The following KCNMB2 variants were observed in gnomAD, a reference collection of about 807,000 sequenced individuals.
KCNMB2 encodes calcium-activated potassium channel subunit beta-2.
Under a neutral mutation model 24.5 loss-of-function variants are expected in KCNMB2, and 9 were observed. The observed-to-expected ratio is 0.37, with a 90% CI of 0.22 to 0.64. The LOEUF (loss-of-function observed/expected upper bound fraction) is 0.64, where lower values mean the gene tolerates loss of function less well. KCNMB2 is among the 30% of genes least tolerant of loss of function. KCNMB2 has a pLI of 0.63. For synonymous variants in KCNMB2, 109 were observed against 104.4 expected, an observed-to-expected ratio of 1.04 and a Z score of -0.27; for missense variants, 226 against 284.3, an observed-to-expected ratio of 0.79 and a Z score of 1.47.
Position 178,694,750 on chromosome 3 carries a change from T to C in KCNMB2, c.-67-112593T>C, listed in dbSNP as rs9880559. Among the ~76,000 whole-genome samples the C allele has an allele frequency of 5.1e-3, 776 of 152,364 alleles. 1 individual carries two copies. Among genetic ancestry groups the C allele is most frequent in the African/African-American group, 0.018 (737 of 41,588 alleles). ...TTCAAGAGGTGGGCTCCCAGGGTTT[T>C]GAACAGTTCTGCCCATGTGGCTTTG... On this transcript the variant is annotated intron_variant, in intron 1 of 4. Transcript: ENST00000452583.
chr3:178,679,010 G>A (rs960771115), intron 1 of KCNMB2, among the ~76,000 whole-genome samples: 82 of 149,656 alleles, frequency 5.5e-4, no homozygotes, highest in Non-Finnish European at 7.4e-5. Context: ...TGTCATTGTT[G>A]TTCATTTATC....
At chr3:178,575,848 A>T (rs552430107) in intron 1 of KCNMB2, among the ~76,000 whole-genome samples, 2 of 152,198 alleles carry the variant, frequency 1.3e-5, no homozygotes, top group African/African-American at 4.8e-5. Context: ...CCCTGTTGGT[A>T]ACACTGTGAA....
chr3:178,840,713 G>T (rs549056330), intron 4 of KCNMB2, among the ~76,000 whole-genome samples: 35 of 152,338 alleles, frequency 2.3e-4, no homozygotes, highest in African/African-American at 8.2e-4. Context: ...CACAGCTGGA[G>T]CAGCTGGAAA....
chr3:178,725,016 T>C (rs1722923841), intron 1 of KCNMB2, among the ~76,000 whole-genome samples: 1 of 152,140 alleles, frequency 6.6e-6, no homozygotes, highest in Non-Finnish European at 1.5e-5. Flanking sequence ...TGGTGAGAAA[T>C]GAATTTTAGA....
chr3:178,672,426 TA>T (rs1720931314), intron 1 of KCNMB2, among the ~76,000 whole-genome samples: 1 of 152,206 alleles, frequency 6.6e-6, no homozygotes, highest in South Asian at 2.1e-4. Flanking sequence ...CCACTGTAAG[TA>T]ACAAATATCT....
At chr3:178,672,164 A>G (rs1720922148) in intron 1 of KCNMB2, among the ~76,000 whole-genome samples, 1 of 152,166 alleles carries the variant, frequency 6.6e-6, no homozygotes, top group African/African-American at 2.4e-5. Flanking sequence ...TATTGCCTTC[A>G]TGATTCAGTA....
intron 1 of KCNMB2, among the ~76,000 whole-genome samples, chr3:178,747,384 T>C (rs1240452806): frequency 6.6e-6 from 1 of 152,212 alleles, no homozygotes; most frequent in Non-Finnish European, 1.5e-5. Context: ...GAATTTAAGA[T>C]GAGATTTGGG....
intron 1 of KCNMB2, among the ~76,000 whole-genome samples, chr3:178,642,932 C>T (rs902719505): frequency 3.9e-5 from 6 of 152,234 alleles, no homozygotes; most frequent in Non-Finnish European, 8.8e-5. Flanking sequence ...CCAGCTTCAA[C>T]TTTCCCCACC....
chr3:178,589,387 T>C (rs1717578563), intron 1 of KCNMB2, among the ~76,000 whole-genome samples: 1 of 152,194 alleles, frequency 6.6e-6, no homozygotes, highest in Non-Finnish European at 1.5e-5. Flanking sequence ...TTCCCAATTA[T>C]GGTGTCTCAG....
At chr3:178,586,999 C>T (rs559252324) in intron 1 of KCNMB2, among the ~76,000 whole-genome samples, 17 of 152,000 alleles carry the variant, frequency 1.1e-4, no homozygotes, top group African/African-American at 3.9e-4. Context: ...TTTTGGATAC[C>T]AAAAAGGAAT....
chr3:178,573,614 T>TG (rs1440085537), intron 1 of KCNMB2, among the ~76,000 whole-genome samples: 1 of 147,786 alleles, frequency 6.8e-6, no homozygotes, highest in Non-Finnish European at 1.5e-5. Flanking sequence ...CCAGGTGTGG[T>TG]GGTGCATGCC....
In KCNMB2 at chr3:178,655,652, C is replaced by T. The variant is rs140510889; in HGVS notation, c.-68+118941C>T. On this transcript the variant is annotated intron_variant, in intron 1 of 4. Transcript: ENST00000452583. Reference sequence around the variant, plus strand: ...GAAAGAGTTAGCCCTGTAGAAAGGGCGACAGTGCTGTGGTTTACTGGTCTG... The same window carrying T: ...GAAAGAGTTAGCCCTGTAGAAAGGGTGACAGTGCTGTGGTTTACTGGTCTG... Among the ~76,000 whole-genome samples the T allele has an allele frequency of 5.3e-3, 808 of 152,230 alleles. 11 individuals are homozygous for T. The highest frequency in any genetic ancestry group is 0.043 in the East Asian group (224 of 5,182).
At chr3:178,731,980 T>C (rs1723167217) in intron 1 of KCNMB2, among the ~76,000 whole-genome samples, 1 of 152,168 alleles carries the variant, frequency 6.6e-6, no homozygotes, top group African/African-American at 2.4e-5. Context: ...CAGAGGACCT[T>C]ATTAGACAAT....
At chr3:178,708,040 T>TTG (rs1224955374) in intron 1 of KCNMB2, among the ~76,000 whole-genome samples, 1 of 152,198 alleles carries the variant, frequency 6.6e-6, no homozygotes, top group African/African-American at 2.4e-5. Flanking sequence ...GACTGATTCA[T>TTG]GAATTGCTAT....
rs533570063 is a variant in KCNMB2 at position 178,839,836 on chromosome 3, G to A, written c.424-2817G>A. Among the ~76,000 whole-genome samples, 171 of 152,192 alleles carry A rather than the reference G, an allele frequency of 1.1e-3. 1 individual carries two copies. Among genetic ancestry groups the A allele is most frequent in the African/African-American group, 4.1e-3 (169 of 41,526 alleles). ...AAATTACGATTTGAGATGAGACTTG[G>A]GTGGAGACACAGAGCCAAACCATAT... On this transcript the variant is annotated intron_variant, in intron 4 of 4. Transcript: ENST00000452583.
chr3:178,574,927 G>T (rs1049602935), intron 1 of KCNMB2, among the ~76,000 whole-genome samples: 21 of 152,064 alleles, frequency 1.4e-4, no homozygotes, highest in Admixed American at 1.4e-3. Flanking sequence ...AACTAGCCAG[G>T]CATGGTGGTG....
intron 1 of KCNMB2, among the ~76,000 whole-genome samples, chr3:178,687,137 G>C (rs1370166611): frequency 6.6e-6 from 1 of 152,040 alleles, no homozygotes; most frequent in Admixed American, 6.6e-5. Flanking sequence ...ATCCATATGA[G>C]GATGCTCTTA....
chr3:178,690,206 A>G lies in KCNMB2; in HGVS notation c.-67-117137A>G, dbSNP rs530082648. On this transcript the variant is annotated intron_variant, in intron 1 of 4. Coordinates refer to ENST00000452583, the MANE Select transcript of KCNMB2 (RefSeq NM_181361.3). ...ATTGTATGTATCAGAACTTTGGCAG[A>G]TAATTCTGGTGACTATTTGACTTTT... Among the ~76,000 whole-genome samples the G allele has an allele frequency of 3.9e-5, 6 of 152,340 alleles. No individual in the cohort carries two copies. In the South Asian group the frequency reaches 1.0e-3, roughly 26 times the overall value.
intron 1 of KCNMB2, among the ~76,000 whole-genome samples, chr3:178,584,474 C>T (rs996070379): frequency 7.1e-6 from 1 of 140,402 alleles, no homozygotes; most frequent in East Asian, 2.6e-4. Flanking sequence ...TGAAATAGTA[C>T]TTACCTCACA....
Sources: gnomAD v4.1 joint callset for allele counts (sites outside exome capture counted in the v4.1 genomes callset) on GRCh38, gnomAD v4.1.1 for gene constraint, MANE v1.5 for transcripts, NCBI Gene and HGNC (gene_info 2026-07-23, HGNC 2026-07-21) for gene names.